The following ADAMTS9 variants were observed in gnomAD, a reference collection of about 807,000 sequenced individuals.
ADAMTS9 encodes A disintegrin and metalloproteinase with thrombospondin motifs 9.
In ADAMTS9, 107 loss-of-function variants were observed where a neutral mutation model predicts 257.1. The ratio of observed to expected loss-of-function variants is 0.42; its 90% CI spans 0.36 to 0.49. ADAMTS9 has a LOEUF of 0.49. Among genes scored for constraint, ADAMTS9 ranks in the 20% least tolerant of loss-of-function variants. ADAMTS9 has a pLI of 0.03. For missense variants in ADAMTS9, 2,353 were observed against 2,469.1 expected (o/e 0.95, Z 1.00); for synonymous variants, 982 against 880.9 (o/e 1.11, Z -2.03).
At chr3:64,681,402 C>G (rs573251329) in intron 2 of ADAMTS9, 39 bp from the exon 3 acceptor site, 144 of 1,576,440 alleles carry the variant, frequency 9.1e-5, no homozygotes, top group Non-Finnish European at 1.2e-4. Flanking sequence ...TTTAACGTAA[C>G]TCAGTCATTG....
intron 28 of ADAMTS9, among the ~76,000 whole-genome samples, chr3:64,577,731 G>C (rs1216342752): frequency 6.6e-6 from 1 of 152,240 alleles, no homozygotes; most frequent in Non-Finnish European, 1.5e-5. Flanking sequence ...GTCAAAAGCA[G>C]TCAGGGGACA....
At chr3:64,557,587 C>CA (rs2083356465) in intron 30 of ADAMTS9, among the ~76,000 whole-genome samples, 1 of 152,058 alleles carries the variant, frequency 6.6e-6, no homozygotes, top group South Asian at 2.1e-4. Flanking sequence ...CTGTCATCAC[C>CA]AGAAGCCTCC....
chr3:64,580,257 A>G (rs184546036), intron 28 of ADAMTS9, among the ~76,000 whole-genome samples: 84 of 152,306 alleles, frequency 5.5e-4, no homozygotes, highest in African/African-American at 2.0e-3. Context: ...GTTCCAAAAC[A>G]ATGTGTCTCA....
chr3:64,631,652 T>A, intron 15 of ADAMTS9, 102 bp from the exon 16 acceptor site: 2 of 1,228,460 alleles, frequency 1.6e-6, no homozygotes, highest in Non-Finnish European at 2.4e-6. Flanking sequence ...ATAATTCTCA[T>A]ATAATTCTAT....
chr3:64,671,725 C>T (rs929068263), intron 3 of ADAMTS9, among the ~76,000 whole-genome samples: 7 of 152,270 alleles, frequency 4.6e-5, no homozygotes, highest in Admixed American at 4.6e-4. Context: ...CATGTGCATA[C>T]CACATCAGAT....
intron 29 of ADAMTS9, among the ~76,000 whole-genome samples, chr3:64,564,754 G>A (rs1042418674): frequency 2.6e-5 from 4 of 151,484 alleles, no homozygotes; most frequent in African/African-American, 9.7e-5. Flanking sequence ...GTCCCATGGG[G>A]TACAAAATCA....
chr3:64,631,599 T>C (rs748190977), intron 15 of ADAMTS9, 49 bp from the exon 16 acceptor site: 1 of 1,484,514 alleles, frequency 6.7e-7, no homozygotes, highest in Non-Finnish European at 9.4e-7. Context: ...TGGTTCACTT[T>C]CTCTAAGTAT....
rs146290308 is a variant in ADAMTS9 at position 64,609,964 on chromosome 3, A to G, written c.3355-2885T>C. Among the ~76,000 whole-genome samples, 201 of 152,314 alleles carry G rather than the reference A, an allele frequency of 1.3e-3. 2 individuals carry two copies. The highest frequency in any genetic ancestry group is 4.7e-3 in the African/African-American group (197 of 41,576). On this transcript the variant is annotated intron_variant, in intron 22 of 39. Transcript: ENST00000498707. ...ATCTAGAGTCCAGAAATAAACCCAT[A>G]TATCTATGGACAAGTGACTTTCAAC...
At chr3:64,519,996 G>C (rs1225420136) in intron 39 of ADAMTS9, among the ~76,000 whole-genome samples, 1 of 152,164 alleles carries the variant, frequency 6.6e-6, no homozygotes, top group Non-Finnish European at 1.5e-5. Flanking sequence ...AAAAGAGGAA[G>C]TCAAATTATC....
chr3:64,529,643 C>T (rs2082951961), intron 38 of ADAMTS9, among the ~76,000 whole-genome samples: 2 of 152,122 alleles, frequency 1.3e-5, no homozygotes, highest in Non-Finnish European at 2.9e-5. Context: ...TTTCATGGAA[C>T]CCTGGTTATT....
Position 64,556,537 on chromosome 3 carries a change from G to T in ADAMTS9, c.4698+5041C>A, listed in dbSNP as rs2083335083. ...GAGTCTCACTATGTTGCCTAGGCTG[G>T]TCTCAAACTCTGGGGCTCAATGATC... On this transcript the variant is annotated intron_variant, in intron 30 of 39. Transcript: ENST00000498707. 1.3e-5 allele frequency among the ~76,000 whole-genome samples: 2 copies of T among 152,138 alleles called. 1 individual carries two copies. The highest frequency in any genetic ancestry group is 4.1e-4 in the South Asian group (2 of 4,828).
At chr3:64,657,301 TA>T (rs936970966) in intron 4 of ADAMTS9, among the ~76,000 whole-genome samples, 22 of 152,190 alleles carry the variant, frequency 1.4e-4, no homozygotes, top group African/African-American at 5.1e-4. Flanking sequence ...ATATTTGATA[TA>T]AAACATATTG....
Position 64,686,178 on chromosome 3 carries a change from G to A in ADAMTS9, c.516+390C>T, listed in dbSNP as rs570049701. 3.3e-5 allele frequency among the ~76,000 whole-genome samples: 5 copies of A among 152,370 alleles called. No individual in the cohort carries two copies. The highest frequency in any genetic ancestry group is 4.1e-4 in the South Asian group (2 of 4,832). ...CCCCGATGCAAGGCGCACCAATAAG[G>A]AGTCTGGTCCGCCCTGCGCTCAGCG... On this transcript the variant is annotated intron_variant, in intron 2 of 39. Transcript: ENST00000498707. The surrounding 1 kb of genome is among the most constrained non-coding windows in gnomAD (Gnocchi z 4.6).
chr3:64,560,200 C>A lies in ADAMTS9; in HGVS notation c.4698+1378G>T, dbSNP rs542399984. On this transcript the variant is annotated intron_variant, in intron 30 of 39. Coordinates refer to ENST00000498707, the MANE Select transcript of ADAMTS9 (RefSeq NM_182920.2). ...TGTGTGGCAGTGCTAGGATATGAAC[C>A]AAGTCTGTAGAATTTTATAGTCTCT... Among the ~76,000 whole-genome samples the A allele has an allele frequency of 2.0e-5, 3 of 152,280 alleles. No homozygotes were observed. In the South Asian group the frequency reaches 6.2e-4, roughly 32 times the overall value.
intron 28 of ADAMTS9, among the ~76,000 whole-genome samples, chr3:64,585,760 T>C (rs1185865667): frequency 1.3e-5 from 2 of 152,168 alleles, no homozygotes; most frequent in Non-Finnish European, 2.9e-5. Context: ...ATGCCAGAGA[T>C]AGCACCCAAT....
rs759664813 is a variant in ADAMTS9 at position 64,622,446 on chromosome 3, G to T, written c.2530C>A (p.Arg844Ser). The T allele has an allele frequency of 3.7e-6, 6 of 1,613,956 alleles. No homozygotes were observed. Among genetic ancestry groups the T allele is most frequent in the Non-Finnish European group, 5.1e-6 (6 of 1,179,970 alleles). Residue 844 changes from arginine (R) to serine (S), a missense_variant, in exon 17 of 40, where the codon CGC becomes AGC. Physicochemically the swap from Arg to Ser is moderately radical, Grantham distance 110 (BLOSUM62 -1). Transcript: ENST00000498707. ...TGAAGCAAAAGTTCTTGCTCAATGC[G>T]ATCTGTTGAGTTAATTCTTTCTACG... ...TAVERINSTDRIEQELLLQVL... is the reference protein window; with the variant it reads ...TAVERINSTDSIEQELLLQVL...
intron 30 of ADAMTS9, among the ~76,000 whole-genome samples, chr3:64,556,914 G>A (rs983334949): frequency 6.6e-6 from 1 of 151,582 alleles, no homozygotes; most frequent in Non-Finnish European, 1.5e-5. Context: ...CTTTGATGTT[G>A]TAGGTACCAT....
At chr3:64,577,450 T>A (rs1301542041) in intron 28 of ADAMTS9, among the ~76,000 whole-genome samples, 3 of 152,224 alleles carry the variant, frequency 2.0e-5, no homozygotes, top group African/African-American at 7.2e-5. Flanking sequence ...ACCCACTCTA[T>A]GCCTGCCATG....
intron 31 of ADAMTS9, among the ~76,000 whole-genome samples, chr3:64,548,769 C>A (rs1484460028): frequency 1.3e-5 from 2 of 152,214 alleles, no homozygotes; most frequent in African/African-American, 4.8e-5. Context: ...TTCCTCAAAC[C>A]ATTTCAGAGA....
Sources: gnomAD v4.1 joint callset for allele counts (sites outside exome capture counted in the v4.1 genomes callset) on GRCh38, gnomAD v4.1.1 for gene constraint, Gnocchi (gnomAD v3.1) non-coding constraint, MANE v1.5 for transcripts, NCBI Gene and HGNC (gene_info 2026-07-23, HGNC 2026-07-21) for gene names.